DLG2: variants seen among roughly 807,000 people sequenced by gnomAD.
DLG2 encodes discs large MAGUK scaffold protein 2.
In DLG2, 45 loss-of-function variants were observed where a neutral mutation model predicts 132.5. That is an observed-to-expected ratio of 0.34 (90% CI 0.27 to 0.44). DLG2 has a LOEUF of 0.44. Among genes scored for constraint, DLG2 ranks in the 20% least tolerant of loss-of-function variants. The pLI is 1.00. For missense variants in DLG2, 1,045 were observed against 1,196.9 expected, an observed-to-expected ratio of 0.87 and a Z score of 1.87; for synonymous variants, 424 against 419.6, an observed-to-expected ratio of 1.01 and a Z score of -0.13.
intron 6 of DLG2, among the ~76,000 whole-genome samples, chr11:84,807,034 A>C (rs1347118883): frequency 1.3e-5 from 2 of 152,192 alleles, no homozygotes; most frequent in African/African-American, 2.4e-5. Context: ...AAAAAGGTGG[A>C]CCCAAACATA....
At chr11:83,741,632 A>G (rs1254282756) in intron 18 of DLG2, among the ~76,000 whole-genome samples, 1 of 152,132 alleles carries the variant, frequency 6.6e-6, no homozygotes, top group Admixed American at 6.6e-5. Context: ...GAACAATAAA[A>G]CATCTCTGAA....
chr11:84,332,667 A>G (rs1258568909), intron 7 of DLG2, among the ~76,000 whole-genome samples: 1 of 152,076 alleles, frequency 6.6e-6, no homozygotes, highest in African/African-American at 2.4e-5. Context: ...TAAACAGCTA[A>G]TGTGTAGGAA....
chr11:84,519,398 A>G (rs898339719), intron 7 of DLG2, among the ~76,000 whole-genome samples: 23 of 152,294 alleles, frequency 1.5e-4, no homozygotes, highest in African/African-American at 5.3e-4. Context: ...CAGCCTTATG[A>G]CAGTTAAAAC....
chr11:84,808,444 A>T (rs2076230966), intron 6 of DLG2, among the ~76,000 whole-genome samples: 1 of 151,998 alleles, frequency 6.6e-6, no homozygotes, highest in South Asian at 2.1e-4. Context: ...ACCAACGCGA[A>T]CAGAAGGAAA....
At chr11:83,882,892 T>C (rs2066681620) in intron 15 of DLG2, among the ~76,000 whole-genome samples, 1 of 152,146 alleles carries the variant, frequency 6.6e-6, no homozygotes, top group South Asian at 2.1e-4. Context: ...AGAATTAGGT[T>C]AAGTTGCACA....
chr11:84,326,661 G>T (rs2098434712), intron 7 of DLG2, among the ~76,000 whole-genome samples: 1 of 152,146 alleles, frequency 6.6e-6, no homozygotes, highest in South Asian at 2.1e-4. Flanking sequence ...CCTGGAAAAT[G>T]TTCCATGTGC....
rs35111618 is a variant in DLG2 at position 85,039,704 on chromosome 11, T to TA, written c.357+71956dup. Among the ~76,000 whole-genome samples, 78 of 151,046 alleles carry TA rather than the reference T, an allele frequency of 5.2e-4. 1 individual carries two copies. The East Asian group carries it at 7.2e-3, about 14-fold the overall frequency. On this transcript the variant is annotated intron_variant, in intron 6 of 27. Transcript: ENST00000376104. The stretch of plus-strand genomic sequence containing the variant: ...ACCTAAGAGAAAGTTCAAAAATGGA[T>TA]AAAAAAAAAGTACAAATTTGTGGGC...
chr11:85,012,920 G>A (rs993395873), intron 6 of DLG2, among the ~76,000 whole-genome samples: 2 of 152,146 alleles, frequency 1.3e-5, no homozygotes, highest in Non-Finnish European at 2.9e-5. Flanking sequence ...GTCATCATTT[G>A]TAAAATTAAG....
intron 6 of DLG2, among the ~76,000 whole-genome samples, chr11:84,868,251 G>A (rs1007978798): frequency 6.6e-6 from 1 of 151,198 alleles, no homozygotes; most frequent in Non-Finnish European, 1.5e-5. Flanking sequence ...CCTAGACAGA[G>A]TATCCAATAA....
At chr11:84,798,284 A>G (rs911023672) in intron 6 of DLG2, among the ~76,000 whole-genome samples, 2 of 152,176 alleles carry the variant, frequency 1.3e-5, no homozygotes, top group African/African-American at 2.4e-5. Context: ...AGGCTCAAGA[A>G]GTTTCAGTGA....
chr11:83,515,791 C>A (rs1376602923), intron 21 of DLG2, among the ~76,000 whole-genome samples: 9 of 152,190 alleles, frequency 5.9e-5, no homozygotes, highest in Non-Finnish European at 1.2e-4. Flanking sequence ...ACCTAGTAGT[C>A]ATTCAGGAGC....
At chr11:84,712,008 A>AT (rs2153773366) in intron 6 of DLG2, among the ~76,000 whole-genome samples, 1 of 152,190 alleles carries the variant, frequency 6.6e-6, no homozygotes, top group South Asian at 2.1e-4. Flanking sequence ...AGCAAACAGA[A>AT]TTTACAATTG....
chr11:83,890,856 T>G lies in DLG2; in HGVS notation c.1497-16368A>C, dbSNP rs913591929. On this transcript the variant is annotated intron_variant, in intron 15 of 27. Coordinates refer to ENST00000376104, the MANE Select transcript of DLG2 (RefSeq NM_001142699.3). Reference sequence around the variant, plus strand: ...AATACGGCTAGAGCTAAGAATGGAATCTGCAGGATATGGCAATTGCATGTG... The same window carrying G: ...AATACGGCTAGAGCTAAGAATGGAAGCTGCAGGATATGGCAATTGCATGTG... Among the ~76,000 whole-genome samples, 4 of 152,134 alleles carry G rather than the reference T, an allele frequency of 2.6e-5. 1 individual carries two copies. Among genetic ancestry groups the G allele is most frequent in the Non-Finnish European group, 5.9e-5 (4 of 68,024 alleles).
At chr11:83,925,613 T>A (rs1406692134) in intron 15 of DLG2, among the ~76,000 whole-genome samples, 8 of 152,060 alleles carry the variant, frequency 5.3e-5, no homozygotes, top group Admixed American at 5.2e-4. Flanking sequence ...AATATATATA[T>A]CCTTCAGTGA....
At chr11:85,199,563 T>G (rs2081299910) in intron 4 of DLG2, among the ~76,000 whole-genome samples, 1 of 152,238 alleles carries the variant, frequency 6.6e-6, no homozygotes, top group Non-Finnish European at 1.5e-5. Flanking sequence ...CTTGATATTC[T>G]AAATATTAAT....
chr11:85,336,660 T>C (rs144148086), intron 3 of DLG2: 1 of 152,922 alleles, frequency 6.5e-6, no homozygotes, highest in East Asian at 1.9e-4. Flanking sequence ...TGGGTGGACA[T>C]GGGGTGGGTG....
At chr11:84,684,409 C>T (rs1000919853) in intron 6 of DLG2, among the ~76,000 whole-genome samples, 3 of 152,178 alleles carry the variant, frequency 2.0e-5, no homozygotes, top group Non-Finnish European at 4.4e-5. Flanking sequence ...AATTGAGTTT[C>T]TAAGCCTCTC....
chr11:83,604,557 A>C (rs1189313413), intron 19 of DLG2, among the ~76,000 whole-genome samples: 1 of 152,190 alleles, frequency 6.6e-6, no homozygotes, highest in Non-Finnish European at 1.5e-5. Context: ...TCCATACGAT[A>C]CTATAATAAT....
At chr11:84,986,777 C>T (rs2056540492) in intron 6 of DLG2, among the ~76,000 whole-genome samples, 1 of 152,098 alleles carries the variant, frequency 6.6e-6, no homozygotes, top group African/African-American at 2.4e-5. Context: ...TAATAAAAGC[C>T]ATCTATGACA....
Sources: gnomAD v4.1 joint callset for allele counts (sites outside exome capture counted in the v4.1 genomes callset) on GRCh38, gnomAD v4.1.1 for gene constraint, MANE v1.5 for transcripts, NCBI Gene and HGNC (gene_info 2026-07-23, HGNC 2026-07-21) for gene names.